The following ZMYND11 variants were observed in gnomAD, a reference collection of about 807,000 sequenced individuals.
ZMYND11 encodes zinc finger MYND domain-containing protein 11.
ZMYND11 carries 9 observed loss-of-function variants against 84.9 expected under a neutral mutation model. That is an observed-to-expected ratio of 0.11 (90% CI 0.06 to 0.18). ZMYND11 has a LOEUF of 0.18. Ranked by LOEUF, ZMYND11 falls within the 10% of genes least tolerant of loss-of-function variation. The probability of loss-of-function intolerance (pLI) is 1.00; values close to 1 mark genes in which losing one functional copy is unlikely to be tolerated. For missense variants in ZMYND11, 409 were observed against 761.0 expected (o/e 0.54, Z 5.44); for synonymous variants, 250 against 244.1 (o/e 1.02, Z -0.23).
Position 172,151 on chromosome 10 carries a change from A to G in ZMYND11, c.-19-7843A>G, listed in dbSNP as rs201399732. Among the ~76,000 whole-genome samples, 7 of 152,198 alleles carry G rather than the reference A, an allele frequency of 4.6e-5. No homozygotes were observed. The East Asian group carries it at 5.8e-4, about 13-fold the overall frequency. On this transcript the variant is annotated intron_variant, in intron 1 of 14. Transcript: ENST00000381604. ...ATGAGGGCAGAGCCCCCATGGCCCA[A>G]TCACCTCCCAAAGTCTTCACCTCGT...
chr10:155,908 G>T (rs1554758739), intron 1 of ZMYND11, among the ~76,000 whole-genome samples: 1 of 152,178 alleles, frequency 6.6e-6, no homozygotes, highest in Admixed American at 6.5e-5. Flanking sequence ...AAGGACAAGG[G>T]AATCCTTTGA....
Position 190,368 on chromosome 10 carries a change from C to T in ZMYND11, c.116+10240C>T, listed in dbSNP as rs142521322. On this transcript the variant is annotated intron_variant, in intron 2 of 14. Coordinates refer to ENST00000381604, the MANE Select transcript of ZMYND11 (RefSeq NM_001370100.5). ...TTCCCATGCATAGGTGTTGCTGTCT[C>T]GCCCTGCCTCTTCTGCACACCCTCC... Among the ~76,000 whole-genome samples the T allele has an allele frequency of 4.1e-3, 628 of 152,228 alleles. 1 individual carries two copies. The highest frequency in any genetic ancestry group is 0.031 in the Middle Eastern group (9 of 294).
In ZMYND11 at chr10:253,518, T is replaced by G. The variant is rs553378096; in HGVS notation, c.*1048T>G. ...CATGTTAATTTTCTTGTATTAAAGA[T>G]GCCGTGATTTGTAAAAAGTCTGTAT... On this transcript the variant is annotated 3_prime_UTR_variant, in exon 15 of 15. Coordinates refer to ENST00000381604, the MANE Select transcript of ZMYND11 (RefSeq NM_001370100.5). 8 of 152,792 alleles carry G rather than the reference T, an allele frequency of 5.2e-5. No individual in the cohort carries two copies. In the South Asian group the frequency reaches 1.7e-3, roughly 32 times the overall value. 9.5% of individuals were successfully genotyped at this position (152,792 alleles called of 1,614,324 possible).
At chr10:186,221 C>T (rs574718136) in intron 2 of ZMYND11, among the ~76,000 whole-genome samples, 3 of 151,806 alleles carry the variant, frequency 2.0e-5, no homozygotes, top group South Asian at 2.1e-4. Context: ...CTGTGTTAGC[C>T]GGGATGGTCT....
chr10:151,139 A>G (rs1554756895), intron 1 of ZMYND11, among the ~76,000 whole-genome samples: 1 of 152,204 alleles, frequency 6.6e-6, no homozygotes, highest in African/African-American at 2.4e-5. Context: ...GAAAAGCTCA[A>G]AATTCTAAAA....
chr10:199,548 GCCT>G (rs1222824051), intron 2 of ZMYND11, among the ~76,000 whole-genome samples: 1 of 151,918 alleles, frequency 6.6e-6, no homozygotes, highest in Non-Finnish European at 1.5e-5. Flanking sequence ...TCCTGTGTCA[GCCT>G]CCTCCTTGAC....
intron 1 of ZMYND11, among the ~76,000 whole-genome samples, chr10:169,091 A>C (rs556592113): frequency 2.0e-5 from 3 of 152,148 alleles, no homozygotes; most frequent in Admixed American, 6.6e-5. Context: ...CTCAGGAGAC[A>C]TGGTATTACC....
chr10:130,475 G>T (rs1415017848), upstream of ZMYND11, among the ~76,000 whole-genome samples: 2 of 152,178 alleles, frequency 1.3e-5, no homozygotes, highest in Admixed American at 6.5e-5. Flanking sequence ...CCATTTTACA[G>T]ATAATAATAA....
intron 1 of ZMYND11, among the ~76,000 whole-genome samples, chr10:146,785 G>A (rs1554755429): frequency 1.3e-5 from 2 of 152,206 alleles, no homozygotes. Flanking sequence ...GAATCATGGT[G>A]GTGGGTTTTC....
At chr10:179,364 G>GT (rs1847347022) in intron 1 of ZMYND11, among the ~76,000 whole-genome samples, 1 of 152,090 alleles carries the variant, frequency 6.6e-6, no homozygotes, top group Non-Finnish European at 1.5e-5. Flanking sequence ...TAACAATGCT[G>GT]TTTCCTAATA....
chr10:173,788 T>C (rs1845937117), intron 1 of ZMYND11, among the ~76,000 whole-genome samples: 1 of 152,062 alleles, frequency 6.6e-6, no homozygotes, highest in Non-Finnish European at 1.5e-5. Context: ...AGATGACACA[T>C]AAACATATGA....
intron 13 of ZMYND11, 82 bp from the exon 14 acceptor site, chr10:248,821 G>C (rs950604599): frequency 3.3e-6 from 5 of 1,501,360 alleles, no homozygotes; most frequent in Non-Finnish European, 4.5e-6. Flanking sequence ...CCTCATGCAA[G>C]TTGTGTTAAG....
intron 4 of ZMYND11, among the ~76,000 whole-genome samples, chr10:227,872 G>C (rs970746168): frequency 3.9e-5 from 6 of 152,194 alleles, no homozygotes; most frequent in Middle Eastern, 3.4e-3. Flanking sequence ...AATCTAGAAT[G>C]GAGATTTGAT....
At chr10:170,957 A>G (rs79944194) in intron 1 of ZMYND11, among the ~76,000 whole-genome samples, 3,045 of 152,234 alleles carry the variant, frequency 0.02, 97 homozygotes, top group African/African-American at 0.069. Context: ...CCCACTTTAA[A>G]TATACAGATT....
At chr10:186,017 T>TC (rs1176968024) in intron 2 of ZMYND11, among the ~76,000 whole-genome samples, 2 of 150,898 alleles carry the variant, frequency 1.3e-5, no homozygotes, top group African/African-American at 2.4e-5. Context: ...CTTTTTTTTT[T>TC]TTTTTCTTTT....
At chr10:237,549 A>G (rs1950189344) in intron 5 of ZMYND11, 36 bp from the exon 6 acceptor site, 1 of 1,354,380 alleles carries the variant, frequency 7.4e-7, no homozygotes, top group Non-Finnish European at 1.0e-6. Flanking sequence ...GCCTTCCTTT[A>G]ACCACATTTA....
intron 2 of ZMYND11, among the ~76,000 whole-genome samples, chr10:207,116 A>G (rs895960345): frequency 1.7e-4 from 26 of 152,120 alleles, no homozygotes; most frequent in African/African-American, 6.0e-4. Context: ...GCGATAGTTT[A>G]CTGAGAATGA....
chr10:171,458 A>G (rs1554765694), intron 1 of ZMYND11, among the ~76,000 whole-genome samples: 1 of 152,198 alleles, frequency 6.6e-6, no homozygotes, highest in African/African-American at 2.4e-5. Flanking sequence ...GAAATAATAT[A>G]TCTGCTGTCA....
At chr10:211,519 A>G (rs1327933969) in intron 3 of ZMYND11, among the ~76,000 whole-genome samples, 1 of 152,220 alleles carries the variant, frequency 6.6e-6, no homozygotes, top group Non-Finnish European at 1.5e-5. Context: ...GCCTGAGAGC[A>G]GTAAACTAAC....
Sources: gnomAD v4.1 joint callset for allele counts (sites outside exome capture counted in the v4.1 genomes callset) on GRCh38, gnomAD v4.1.1 for gene constraint, MANE v1.5 for transcripts, NCBI Gene and HGNC (gene_info 2026-07-23, HGNC 2026-07-21) for gene names.